RNF19A: variants seen among roughly 807,000 people sequenced by gnomAD.
RNF19A encodes the protein ring finger protein 19A, RBR E3 ubiquitin protein ligase, also known as E3 ubiquitin-protein ligase RNF19A.
A neutral mutation model predicts 75.7 loss-of-function variants in RNF19A; 32 were observed. The observed-to-expected ratio is 0.42, with a 90% confidence interval of 0.32 to 0.57. The LOEUF is 0.57. Ranked by LOEUF, RNF19A falls within the 20% of genes least tolerant of loss-of-function variation. The probability of loss-of-function intolerance (pLI) is 0.10; values close to 1 mark genes in which losing one functional copy is unlikely to be tolerated. For synonymous variants in RNF19A, 335 were observed against 345.2 expected (o/e 0.97, Z 0.33); for missense variants, 782 against 1,036.3 (o/e 0.75, Z 3.37).
chr8:100,268,746 A>G (rs1271877110), intron 5 of RNF19A, 39 bp downstream of exon 5: 26 of 1,349,932 alleles, frequency 1.9e-5, no homozygotes, highest in Non-Finnish European at 2.4e-5. Context: ...CTAAAGATTT[A>G]GAATAAGATA....
At chr8:100,335,379 T>C (rs928631523) in intron 1 of RNF19A, among the ~76,000 whole-genome samples, 2 of 152,150 alleles carry the variant, frequency 1.3e-5, no homozygotes, top group Admixed American at 6.5e-5. Context: ...TTACAAAAGA[T>C]TTGCTAGCTG....
chr8:100,264,064 T>C lies in RNF19A; in HGVS notation c.1438A>G (p.Ile480Val). The change falls in exon 7 of 10, where the codon ATA becomes GTA. Residue 480 changes from isoleucine (I) to valine (V), a missense_variant. Transcript: ENST00000341084. This position sits in a 1 kb window ranked among gnomAD's most constrained non-coding sequence, Gnocchi z 4.7. The part of the protein sequence containing the change: ...VRIEFDDEND[I>V]NVGGTNTAVD... ...GCTGTGTTAGTTCCACCAACATTTATATCATTTTCATCATCAAATTCAATC... is the reference window on the plus strand; with the variant it reads ...GCTGTGTTAGTTCCACCAACATTTACATCATTTTCATCATCAAATTCAATC... The C allele has an allele frequency of 6.2e-7, 1 of 1,613,784 alleles. No individual in the cohort carries two copies. The highest frequency in any genetic ancestry group is 8.5e-7 in the Non-Finnish European group (1 of 1,179,750).
In RNF19A at chr8:100,330,913, C is replaced by T. The variant is rs1229000437; in HGVS notation, c.-243+5195G>A. On this transcript the variant is annotated intron_variant, in intron 1 of 3. Transcript: ENST00000519527. The surrounding 1 kb of genome is among the most constrained non-coding windows in gnomAD (Gnocchi z 4.1). The stretch of plus-strand genomic sequence containing the variant: ...TTAATGCGAAAAGTGCAGACTGGCT[C>T]CAAGGCTCTGAGCTGGTCTTTCTGA... Among the ~76,000 whole-genome samples, 2 of 152,192 alleles carry T rather than the reference C, an allele frequency of 1.3e-5. No homozygotes were observed. Among genetic ancestry groups the T allele is most frequent in the African/African-American group, 4.8e-5 (2 of 41,440 alleles).
At chr8:100,302,123 T>C (rs1821863640) in intron 1 of RNF19A, among the ~76,000 whole-genome samples, 1 of 152,194 alleles carries the variant, frequency 6.6e-6, no homozygotes, top group Non-Finnish European at 1.5e-5. Context: ...ACTTTGGCTT[T>C]TATTCTAAGT....
intron 7 of RNF19A, among the ~76,000 whole-genome samples, chr8:100,263,550 G>A (rs923563382): frequency 6.6e-6 from 1 of 152,160 alleles, no homozygotes; most frequent in South Asian, 2.1e-4. Flanking sequence ...AACAAGAATT[G>A]CTAGAATATA....
At chr8:100,265,397 T>C (rs994160640) in intron 5 of RNF19A, among the ~76,000 whole-genome samples, 1 of 152,218 alleles carries the variant, frequency 6.6e-6, no homozygotes, top group Non-Finnish European at 1.5e-5. Context: ...AAATAATGGC[T>C]ACCAGAAGAC....
rs535846049 is a variant in RNF19A, at chr8:100,275,963, TA to T, written c.675-803del. ...TTGGTGCCAATCTCCTGCCAAAAAA[TA>T]AAAAAAAACTGTTTTTTTTTCCTTC... On this transcript the variant is annotated intron_variant, in intron 2 of 9. Transcript: ENST00000341084. The surrounding 1 kb of genome is among the most constrained non-coding windows in gnomAD (Gnocchi z 4.3). Among the ~76,000 whole-genome samples the T allele has an allele frequency of 6.6e-6, 1 of 150,492 alleles. No individual in the cohort carries two copies. The highest frequency in any genetic ancestry group is 1.5e-5 in the Non-Finnish European group (1 of 67,520).
At position 100,286,970 on chromosome 8, in the gene RNF19A, A is replaced by G. The variant is rs113841272; in HGVS notation, c.674+531T>C. On this transcript the variant is annotated intron_variant, in intron 2 of 9. Coordinates refer to ENST00000341084, the MANE Select transcript of RNF19A (RefSeq NM_183419.4). ...AATTCAAAAACTTGAGGCAAATCCA[A>G]TATTACATAACCCCTAGAACTTGAG... Among the ~76,000 whole-genome samples, 25 of 152,352 alleles carry G rather than the reference A, an allele frequency of 1.6e-4. 1 individual carries two copies. The highest frequency in any genetic ancestry group is 2.4e-4 in the African/African-American group (10 of 41,590).
At position 100,284,408 on chromosome 8, in the gene RNF19A, T is replaced by G. The variant is rs1221108477; in HGVS notation, c.674+3093A>C. On this transcript the variant is annotated intron_variant, in intron 2 of 9. Transcript: ENST00000341084. The surrounding 1 kb of genome is among the most constrained non-coding windows in gnomAD (Gnocchi z 4.3). ...GACCATAACAACTAACAGAGCAGTATAAGTCAAATATAAAATAAAATACAC... is the reference window on the plus strand; with the variant it reads ...GACCATAACAACTAACAGAGCAGTAGAAGTCAAATATAAAATAAAATACAC... Among the ~76,000 whole-genome samples the G allele has an allele frequency of 6.6e-6, 1 of 152,138 alleles. No homozygotes were observed.
intron 5 of RNF19A, among the ~76,000 whole-genome samples, chr8:100,266,807 A>G (rs1417562601): frequency 6.6e-6 from 1 of 152,164 alleles, no homozygotes; most frequent in African/African-American, 2.4e-5. Context: ...GCCACCACAC[A>G]TGGCCCAACA....
intron 1 of RNF19A, among the ~76,000 whole-genome samples, chr8:100,291,989 T>TTTTTTTAAAAAAAA (rs1821319860): frequency 7.9e-6 from 1 of 127,294 alleles, no homozygotes; most frequent in Non-Finnish European, 1.6e-5. Context: ...TTTTTTTTTT[T>TTTTTTTAAAAAAAA]CAAGTAAAGA....
At chr8:100,298,871 A>C in intron 1 of RNF19A, among the ~76,000 whole-genome samples, 1 of 152,232 alleles carries the variant, frequency 6.6e-6, no homozygotes, top group Admixed American at 6.5e-5. Flanking sequence ...TTCGACAAGA[A>C]GCACAAACAA....
chr8:100,276,325 C>A (rs563473224), intron 2 of RNF19A, among the ~76,000 whole-genome samples: 1 of 152,034 alleles, frequency 6.6e-6, no homozygotes, highest in Admixed American at 6.5e-5. Flanking sequence ...TGAAAAAAGT[C>A]AATCTCAAAA....
chr8:100,285,323 G>A (rs147989454), intron 2 of RNF19A, among the ~76,000 whole-genome samples: 290 of 152,168 alleles, frequency 1.9e-3, no homozygotes, highest in Non-Finnish European at 2.8e-3. Flanking sequence ...ACAATCTAAT[G>A]TTTTCCCCCT....
chr8:100,270,647 G>C (rs1005560896), intron 3 of RNF19A, among the ~76,000 whole-genome samples: 2 of 152,036 alleles, frequency 1.3e-5, no homozygotes, highest in Non-Finnish European at 2.9e-5. Context: ...CAAAATACAA[G>C]GAAGGAAGGA....
intron 5 of RNF19A, among the ~76,000 whole-genome samples, chr8:100,265,588 C>G (rs1819933913): frequency 6.6e-6 from 1 of 152,088 alleles, no homozygotes; most frequent in African/African-American, 2.4e-5. Context: ...AAAACAAATT[C>G]AAAACAGCCT....
intron 7 of RNF19A, among the ~76,000 whole-genome samples, chr8:100,262,755 A>AT (rs1202051266): frequency 2.0e-5 from 3 of 152,200 alleles, no homozygotes; most frequent in Non-Finnish European, 4.4e-5. Flanking sequence ...TTAAGAGGCT[A>AT]TTACAATAGC....
At position 100,258,264 on chromosome 8, in the gene RNF19A, A is replaced by G; in HGVS notation, c.*292T>C. On this transcript the variant is annotated 3_prime_UTR_variant, in exon 10 of 10. Coordinates refer to ENST00000341084, the MANE Select transcript of RNF19A (RefSeq NM_183419.4). The surrounding 1 kb of genome is among the most constrained non-coding windows in gnomAD (Gnocchi z 4.3). Reference sequence around the variant, plus strand: ...ATATTGATTATATAAATTAAGACCAATTTCTATCTAAGTATGTGCTTCAAG... The same window carrying G: ...ATATTGATTATATAAATTAAGACCAGTTTCTATCTAAGTATGTGCTTCAAG... The G allele has an allele frequency of 2.4e-6, 1 of 420,914 alleles. No individual in the cohort carries two copies. The highest frequency in any genetic ancestry group is 4.2e-6 in the Non-Finnish European group (1 of 239,874). 26.1% of individuals were successfully genotyped at this position (420,914 alleles called of 1,614,324 possible).
chr8:100,312,733 G>T (rs1822319883), upstream of RNF19A, among the ~76,000 whole-genome samples: 4 of 152,060 alleles, frequency 2.6e-5, no homozygotes, highest in South Asian at 8.3e-4. Context: ...ATACCAGCCG[G>T]GACAACATGA....
Sources: allele counts gnomAD v4.1 joint callset (sites outside exome capture counted in the v4.1 genomes callset), GRCh38; gene constraint gnomAD v4.1.1; non-coding constraint Gnocchi (gnomAD v3.1); transcripts MANE v1.5; gene names NCBI Gene and HGNC (gene_info 2026-07-23, HGNC 2026-07-21).